Variants in NPTN observed in about 807,000 individuals in gnomAD.
The protein encoded by NPTN is SDR-1.
NPTN carries 5 observed loss-of-function variants against 42.7 expected under a neutral mutation model. The observed-to-expected ratio is 0.12, with a 90% CI of 0.06 to 0.25. The LOEUF is 0.25. NPTN is among the 10% of genes least tolerant of loss of function. NPTN has a pLI of 1.00. For missense variants in NPTN, 307 were observed against 525.4 expected, an observed-to-expected ratio of 0.58 and a Z score of 4.06; for synonymous variants, 180 against 201.9, an observed-to-expected ratio of 0.89 and a Z score of 0.92.
Position 73,579,623 on chromosome 15 carries a change from A to AT in NPTN, c.707-5829_707-5828insA, listed in dbSNP as rs552909431. On this transcript the variant is annotated intron_variant, in intron 4 of 8. Coordinates refer to ENST00000345330, the MANE Select transcript of NPTN (RefSeq NM_012428.4). The stretch of plus-strand genomic sequence containing the variant: ...CCAGACTTAAAGGTCAAGATTGGGA[A>AT]GGGGGCTAGGAACAGTCTTCACTCC... Among the ~76,000 whole-genome samples the AT allele has an allele frequency of 7.2e-5, 11 of 152,112 alleles. 2 individuals are homozygous for AT. The South Asian group carries it at 2.3e-3, about 32-fold the overall frequency.
chr15:73,576,722 C>T (rs574268211), intron 4 of NPTN, among the ~76,000 whole-genome samples: 31 of 152,180 alleles, frequency 2.0e-4, no homozygotes, highest in Non-Finnish European at 4.0e-4. Flanking sequence ...TTTGAGGGTA[C>T]AAACCCATGG....
intron 7 of NPTN, 24 bp from the exon 8 acceptor site, chr15:73,561,994 A>G: frequency 6.4e-7 from 1 of 1,562,230 alleles, no homozygotes; most frequent in Non-Finnish European, 8.7e-7. Context: ...ATTGCATTAC[A>G]TGAGTTAAAC....
At chr15:73,572,862 G>A (rs75680169) in intron 5 of NPTN, among the ~76,000 whole-genome samples, 1,543 of 152,282 alleles carry the variant, frequency 0.01, 31 homozygotes, top group African/African-American at 0.035. Context: ...AATCCCCAGT[G>A]TTGGAGGAGG....
chr15:73,562,489 C>A (rs868843955), intron 7 of NPTN, among the ~76,000 whole-genome samples: 1 of 152,202 alleles, frequency 6.6e-6, no homozygotes, highest in Non-Finnish European at 1.5e-5. Context: ...CCACTGAACA[C>A]AACACCACTG....
intron 5 of NPTN, among the ~76,000 whole-genome samples, chr15:73,573,067 C>T (rs1487638473): frequency 4.6e-5 from 7 of 152,278 alleles, no homozygotes; most frequent in Non-Finnish European, 1.0e-4. Context: ...TCTCTACTTA[C>T]AGGGATCACT....
intron 4 of NPTN, among the ~76,000 whole-genome samples, chr15:73,585,851 G>A (rs940165613): frequency 6.6e-6 from 1 of 152,176 alleles, no homozygotes; most frequent in Non-Finnish European, 1.5e-5. Flanking sequence ...TAACACGTAA[G>A]TTGTAACTTG....
chr15:73,621,663 A>G (rs1898141686), intron 1 of NPTN, among the ~76,000 whole-genome samples: 1 of 152,216 alleles, frequency 6.6e-6, no homozygotes, highest in Non-Finnish European at 1.5e-5. Flanking sequence ...ACTTAACTTC[A>G]TTACCCAACA....
At chr15:73,567,050 A>G in intron 6 of NPTN, 1 of 978,358 alleles carries the variant, frequency 1.0e-6, no homozygotes, top group Non-Finnish European at 1.2e-6. Context: ...CCTCAATCCT[A>G]AGCATTTTCA....
In NPTN at chr15:73,620,128, C is replaced by A. The variant is rs1231877148; in HGVS notation, c.91+12997G>T. Among the ~76,000 whole-genome samples, 5 of 152,316 alleles carry A rather than the reference C, an allele frequency of 3.3e-5. 1 individual carries two copies. The Middle Eastern group carries it at 0.014, about 414-fold the overall frequency. ...CCCACTGATAATTTTATTTCATCAG[C>A]ACAGTGTTTTTAAATCCAACTTTCA... On this transcript the variant is annotated intron_variant, in intron 1 of 8. Transcript: ENST00000345330.
At position 73,597,479 on chromosome 15, in the gene NPTN, T is replaced by C. The variant is rs1896884497; in HGVS notation, c.92-110A>G. 1.2e-6 allele frequency: 1 copy of C among 822,522 alleles called. No individual in the cohort carries two copies. Among genetic ancestry groups the C allele is most frequent in the Non-Finnish European group, 1.9e-6 (1 of 532,300 alleles). The allele number at this position is 822,522 out of a possible 1,614,324, so 51.0% of individuals were successfully genotyped here. A position where few individuals can be genotyped will look rare whatever the true frequency, so the allele number is the denominator to read the frequency against. ...AAAAGAAAAGAAAAAAGCAAATGAG[T>C]TGCAAAGAACAAAAAAGGATTCATT... On this transcript the variant is annotated intron_variant, in intron 1 of 8. Transcript: ENST00000345330. This position sits in a 1 kb window ranked among gnomAD's most constrained non-coding sequence, Gnocchi z 6.3.
At chr15:73,580,421 A>AAT (rs1164023098) in intron 4 of NPTN, among the ~76,000 whole-genome samples, 8 of 107,288 alleles carry the variant, frequency 7.5e-5, no homozygotes, top group African/African-American at 3.1e-4. Flanking sequence ...ATATATATAT[A>AAT]ATATATATAT....
chr15:73,580,516 A>AAT (rs202086049), intron 4 of NPTN, among the ~76,000 whole-genome samples: 12,206 of 133,630 alleles, frequency 0.091, 812 homozygotes, highest in African/African-American at 0.16. Context: ...TATTATATAT[A>AAT]ATATAGTTAT....
chr15:73,633,117 C>T lies in NPTN; in HGVS notation c.91+8G>A. 1.4e-6 allele frequency: 2 copies of T among 1,470,922 alleles called. No individual in the cohort carries two copies. Among genetic ancestry groups the T allele is most frequent in the Non-Finnish European group, 1.8e-6 (2 of 1,117,894 alleles). 91.1% of individuals were successfully genotyped at this position (1,470,922 alleles called of 1,614,324 possible). A position where few individuals can be genotyped will look rare whatever the true frequency, so the allele number is the denominator to read the frequency against. ...CCCCGCCCGGCCCGCCCCCGGCGCC[C>T]CGCTTACCGTTCTGAGCGGCGCCTG... On this transcript the variant is annotated splice_region_variant and intron_variant, in intron 1 of 8. Coordinates refer to ENST00000345330, the MANE Select transcript of NPTN (RefSeq NM_012428.4).
At chr15:73,563,348 C>A in intron 6 of NPTN, 91 bp from the exon 7 acceptor site, 1 of 1,571,014 alleles carries the variant, frequency 6.4e-7, no homozygotes, top group Non-Finnish European at 8.6e-7. Flanking sequence ...AACAGAATAG[C>A]AAACTGCAAG....
intron 1 of NPTN, among the ~76,000 whole-genome samples, chr15:73,632,416 C>T (rs999047030): frequency 6.6e-6 from 1 of 151,966 alleles, no homozygotes; most frequent in Non-Finnish European, 1.5e-5. Context: ...ATGCCCAGCA[C>T]TCCACCCTCT....
chr15:73,623,139 T>A (rs568650075), intron 1 of NPTN, among the ~76,000 whole-genome samples: 2 of 152,356 alleles, frequency 1.3e-5, no homozygotes, highest in Non-Finnish European at 2.9e-5. Flanking sequence ...TTACTAGGTT[T>A]CATATAAAGT....
intron 1 of NPTN, among the ~76,000 whole-genome samples, chr15:73,627,399 A>G (rs1442365021): frequency 6.6e-6 from 1 of 152,236 alleles, no homozygotes; most frequent in African/African-American, 2.4e-5. Context: ...AACTCAATAC[A>G]AAATGTTTCC....
chr15:73,596,394 T>C (rs538657882), intron 2 of NPTN, among the ~76,000 whole-genome samples: 1 of 152,230 alleles, frequency 6.6e-6, no homozygotes, highest in South Asian at 2.1e-4. Flanking sequence ...ACCACCACAC[T>C]GCACCCATGG....
chr15:73,579,119 A>C (rs1895857313), intron 4 of NPTN, among the ~76,000 whole-genome samples: 1 of 151,932 alleles, frequency 6.6e-6, no homozygotes, highest in African/African-American at 2.4e-5. Flanking sequence ...TCTCTACTAA[A>C]AATACAAAAA....
Sources: allele counts gnomAD v4.1 joint callset (sites outside exome capture counted in the v4.1 genomes callset), GRCh38; gene constraint gnomAD v4.1.1; non-coding constraint Gnocchi (gnomAD v3.1); transcripts MANE v1.5; gene names NCBI Gene and HGNC (gene_info 2026-07-23, HGNC 2026-07-21).